NLGN1: variants seen among roughly 807,000 people sequenced by gnomAD.
The protein encoded by NLGN1 is neuroligin-1.
In NLGN1, 12 loss-of-function variants were observed where a neutral mutation model predicts 65.5. The observed-to-expected ratio is 0.18, with a 90% CI of 0.12 to 0.30. The LOEUF (loss-of-function observed/expected upper bound fraction) is 0.30, where lower values mean the gene tolerates loss of function less well. Ranked by LOEUF, NLGN1 falls within the 10% of genes least tolerant of loss-of-function variation. NLGN1 has a pLI of 1.00. For synonymous variants in NLGN1, 350 were observed against 359.5 expected, an observed-to-expected ratio of 0.97 and a Z score of 0.30; for missense variants, 750 against 1,007.1, an observed-to-expected ratio of 0.74 and a Z score of 3.46.
At chr3:173,591,281 G>C (rs544837386) in intron 2 of NLGN1, among the ~76,000 whole-genome samples, 24 of 152,124 alleles carry the variant, frequency 1.6e-4, no homozygotes, top group African/African-American at 5.3e-4. Flanking sequence ...TTTGAATTTT[G>C]TTATTGTTAT....
intron 2 of NLGN1, among the ~76,000 whole-genome samples, chr3:173,493,588 C>T (rs1195856361): frequency 6.6e-6 from 1 of 151,814 alleles, no homozygotes; most frequent in Non-Finnish European, 1.5e-5. Flanking sequence ...CCTGTACATT[C>T]ATAAACTCTT....
chr3:174,143,044 T>G (rs1722588108), intron 4 of NLGN1, among the ~76,000 whole-genome samples: 1 of 151,804 alleles, frequency 6.6e-6, no homozygotes, highest in Admixed American at 6.6e-5. Flanking sequence ...AACAATGAGA[T>G]CTCATGTGAA....
At chr3:174,289,969 G>A (rs1166712056), downstream of NLGN1, among the ~76,000 whole-genome samples, 601 of 133,698 alleles carry the variant, frequency 4.5e-3, 2 homozygotes, top group African/African-American at 0.011. Context: ...ATATATATAT[G>A]TATATATATA....
chr3:173,735,033 A>G (rs1773523958), intron 3 of NLGN1, among the ~76,000 whole-genome samples: 1 of 152,104 alleles, frequency 6.6e-6, no homozygotes, highest in East Asian at 1.9e-4. Context: ...TTTGTCAGTT[A>G]TAAATCCAGC....
intron 4 of NLGN1, among the ~76,000 whole-genome samples, chr3:173,820,817 C>G (rs1240316079): frequency 1.3e-5 from 2 of 152,126 alleles, no homozygotes; most frequent in African/African-American, 4.8e-5. Context: ...AGAAGGATAA[C>G]TATTCACTTT....
chr3:173,408,188 C>T (rs567282819), intron 1 of NLGN1, among the ~76,000 whole-genome samples: 6 of 152,278 alleles, frequency 3.9e-5, no homozygotes, highest in South Asian at 2.1e-4. Context: ...ATACTAGAAA[C>T]GTTCTGCCTC....
At chr3:173,482,555 A>G (rs1312917285) in intron 2 of NLGN1, among the ~76,000 whole-genome samples, 1 of 151,928 alleles carries the variant, frequency 6.6e-6, no homozygotes, top group Non-Finnish European at 1.5e-5. Context: ...TAGAAATTTC[A>G]ATTTAAAAAT....
intron 4 of NLGN1, among the ~76,000 whole-genome samples, chr3:174,052,942 G>A (rs747821618): frequency 1.4e-4 from 21 of 151,930 alleles, no homozygotes; most frequent in Admixed American, 1.2e-3. Context: ...AAATAGATGC[G>A]GCAGTAAATG....
chr3:173,956,625 G>T (rs1192229585), intron 4 of NLGN1, among the ~76,000 whole-genome samples: 1 of 152,134 alleles, frequency 6.6e-6, no homozygotes, highest in Non-Finnish European at 1.5e-5. Context: ...TTTGCTTCCT[G>T]CCACTGTATG....
intron 3 of NLGN1, among the ~76,000 whole-genome samples, chr3:173,615,273 C>G (rs1752885107): frequency 6.6e-6 from 1 of 152,088 alleles, no homozygotes; most frequent in African/African-American, 2.4e-5. Context: ...CCTGGAGGCC[C>G]TGCCTCAGGT....
intron 2 of NLGN1, among the ~76,000 whole-genome samples, chr3:173,575,536 A>G (rs934849925): frequency 4.6e-5 from 7 of 152,186 alleles, no homozygotes; most frequent in African/African-American, 1.7e-4. Context: ...ATTCTTCCCT[A>G]TGAAGCAATT....
At chr3:173,780,666 A>G (rs1249257953) in intron 3 of NLGN1, among the ~76,000 whole-genome samples, 1 of 152,170 alleles carries the variant, frequency 6.6e-6, no homozygotes, top group Non-Finnish European at 1.5e-5. Context: ...ATTTATTCTA[A>G]AAGTCAGTAG....
intron 2 of NLGN1, among the ~76,000 whole-genome samples, chr3:173,495,043 AAT>A (rs1729772089): frequency 6.6e-6 from 1 of 151,818 alleles, no homozygotes; most frequent in African/African-American, 2.4e-5. Flanking sequence ...ATTTTCATAA[AAT>A]AGTCACTAGA....
chr3:173,560,981 A>G (rs917404991), intron 2 of NLGN1, among the ~76,000 whole-genome samples: 1 of 152,240 alleles, frequency 6.6e-6, no homozygotes, highest in Admixed American at 6.5e-5. Context: ...TATTAAAGAT[A>G]TATAGCAATC....
At chr3:174,237,192 T>G (rs1333290079) in intron 4 of NLGN1, among the ~76,000 whole-genome samples, 1 of 152,194 alleles carries the variant, frequency 6.6e-6, no homozygotes, top group African/African-American at 2.4e-5. Flanking sequence ...TCCTCACTTT[T>G]ATTCCCTGCC....
At chr3:174,002,577 A>G (rs1474834341) in intron 4 of NLGN1, among the ~76,000 whole-genome samples, 1 of 152,170 alleles carries the variant, frequency 6.6e-6, no homozygotes, top group African/African-American at 2.4e-5. Flanking sequence ...TTCTAGTGGT[A>G]CCACAAGTTG....
chr3:173,805,733 G>T (rs1716496051), intron 3 of NLGN1, among the ~76,000 whole-genome samples: 1 of 152,194 alleles, frequency 6.6e-6, no homozygotes, highest in Non-Finnish European at 1.5e-5. Context: ...TACAGTGTCT[G>T]CTGTGAACAG....
chr3:173,789,915 C>T, intron 3 of NLGN1: 1 of 507,938 alleles, frequency 2.0e-6, no homozygotes, highest in Non-Finnish European at 3.9e-6. Flanking sequence ...CTATTGAGGA[C>T]AAGGCACCTG....
chr3:173,797,616 A>G (rs192771446), intron 3 of NLGN1, among the ~76,000 whole-genome samples: 13 of 152,042 alleles, frequency 8.6e-5, no homozygotes, highest in Admixed American at 8.5e-4. Context: ...CACATCAGGT[A>G]AGAGAAACAC....
Sources: gnomAD v4.1 joint callset for allele counts (sites outside exome capture counted in the v4.1 genomes callset) on GRCh38, gnomAD v4.1.1 for gene constraint, MANE v1.5 for transcripts, NCBI Gene and HGNC (gene_info 2026-07-23, HGNC 2026-07-21) for gene names.